CCDC85A: variants seen among roughly 807,000 people sequenced by gnomAD.
CCDC85A encodes the protein coiled-coil domain containing 85A.
CCDC85A carries 38 observed loss-of-function variants against 50.2 expected under a neutral mutation model. That is an observed-to-expected ratio of 0.76 (90% confidence interval 0.58 to 0.99). The LOEUF is 0.99. Among genes scored for constraint, CCDC85A ranks in the 50% least tolerant of loss-of-function variants. The pLI is 0.00. For synonymous variants in CCDC85A, 366 were observed against 301.4 expected (o/e 1.21, Z -2.22); for missense variants, 820 against 742.0 (o/e 1.11, Z -1.22).
At chr2:56,235,738 A>G (rs1668983787) in intron 2 of CCDC85A, among the ~76,000 whole-genome samples, 1 of 152,204 alleles carries the variant, frequency 6.6e-6, no homozygotes. Context: ...GAGATCTTAA[A>G]TAATTAAGAG....
rs1377760174 is a variant in CCDC85A at position 56,384,511 on chromosome 2, ACTT to A, written c.*159_*161del. Reference sequence around the variant, plus strand: ...TCTCCCCTCTAAAACCTGTAGTACAACTTCTCCCCTCAAGCTGATATTCTGTGT... The same window carrying A: ...TCTCCCCTCTAAAACCTGTAGTACAACTCCCCTCAAGCTGATATTCTGTGT... On this transcript the variant is annotated 3_prime_UTR_variant, in exon 6 of 6. Transcript: ENST00000407595. 1.5e-5 allele frequency: 9 copies of A among 593,974 alleles called. No homozygotes were observed. In the African/African-American group the frequency reaches 1.7e-4, roughly 11 times the overall value. 36.8% of individuals were successfully genotyped at this position (593,974 alleles called of 1,614,324 possible).
intron 2 of CCDC85A, among the ~76,000 whole-genome samples, chr2:56,292,343 A>G (rs1349921431): frequency 6.6e-6 from 1 of 152,152 alleles, no homozygotes; most frequent in Admixed American, 6.5e-5. Flanking sequence ...TCGGCCTCCC[A>G]AAGTGCTGCT....
At chr2:56,292,060 T>C (rs577856570) in intron 2 of CCDC85A, among the ~76,000 whole-genome samples, 1 of 152,276 alleles carries the variant, frequency 6.6e-6, no homozygotes, top group Admixed American at 6.5e-5. Flanking sequence ...CACAGGCACA[T>C]TCTGAGATGC....
At chr2:56,236,016 A>C (rs1230075355) in intron 2 of CCDC85A, among the ~76,000 whole-genome samples, 1 of 152,214 alleles carries the variant, frequency 6.6e-6, no homozygotes, top group Non-Finnish European at 1.5e-5. Flanking sequence ...CAAAGTATGA[A>C]TAAAAAAGAG....
chr2:56,262,961 C>T (rs1167909004), intron 2 of CCDC85A, among the ~76,000 whole-genome samples: 1 of 152,038 alleles, frequency 6.6e-6, no homozygotes, highest in Non-Finnish European at 1.5e-5. Context: ...ATAAGAGGTG[C>T]CACAGAGAAC....
At chr2:56,228,489 C>G (rs540811499) in intron 2 of CCDC85A, among the ~76,000 whole-genome samples, 1 of 152,116 alleles carries the variant, frequency 6.6e-6, no homozygotes, top group Admixed American at 6.5e-5. Flanking sequence ...TAAAAGTCTA[C>G]ACGTTGTCTT....
intron 2 of CCDC85A, among the ~76,000 whole-genome samples, chr2:56,233,875 GT>G (rs986650165): frequency 6.6e-6 from 1 of 152,084 alleles, no homozygotes; most frequent in African/African-American, 2.4e-5. Context: ...GTTGAGTCCT[GT>G]TTTGCAGTCT....
intron 2 of CCDC85A, among the ~76,000 whole-genome samples, chr2:56,235,793 A>G (rs996981341): frequency 5.3e-5 from 8 of 152,312 alleles, no homozygotes; most frequent in Non-Finnish European, 7.3e-5. Context: ...GTGGGTGGAG[A>G]GTTAATAAAA....
intron 3 of CCDC85A, among the ~76,000 whole-genome samples, chr2:56,344,561 T>C (rs1329774819): frequency 6.6e-6 from 1 of 152,226 alleles, no homozygotes; most frequent in African/African-American, 2.4e-5. Flanking sequence ...AAACTGTACA[T>C]GTGTTAAAAT....
At chr2:56,319,525 G>T (rs144746283) in intron 2 of CCDC85A, among the ~76,000 whole-genome samples, 3 of 152,138 alleles carry the variant, frequency 2.0e-5, no homozygotes, top group African/African-American at 7.2e-5. Flanking sequence ...TAAATGTTTC[G>T]CACTCTTTTT....
chr2:56,286,998 C>G (rs1671475090), intron 2 of CCDC85A, among the ~76,000 whole-genome samples: 2 of 152,150 alleles, frequency 1.3e-5, no homozygotes, highest in Non-Finnish European at 2.9e-5. Context: ...GTGTTTTCTC[C>G]AAGGGGTGCC....
At chr2:56,338,666 A>G (rs1243913697) in intron 2 of CCDC85A, among the ~76,000 whole-genome samples, 2 of 152,190 alleles carry the variant, frequency 1.3e-5, no homozygotes, top group African/African-American at 2.4e-5. Context: ...GTTATGCACT[A>G]CTAGTCAGGC....
chr2:56,266,303 T>G (rs78285535), intron 2 of CCDC85A, among the ~76,000 whole-genome samples: 1,939 of 152,274 alleles, frequency 0.013, 42 homozygotes, highest in African/African-American at 0.041. Flanking sequence ...GGTGTGCTGG[T>G]ATGCCCCTAT....
chr2:56,263,664 A>G (rs376560501), intron 2 of CCDC85A, among the ~76,000 whole-genome samples: 15 of 152,218 alleles, frequency 9.9e-5, no homozygotes, highest in Admixed American at 9.2e-4. Flanking sequence ...GATGAGTGGG[A>G]TGACGTAGAC....
At chr2:56,305,341 A>T (rs1239544562) in intron 2 of CCDC85A, among the ~76,000 whole-genome samples, 2 of 152,220 alleles carry the variant, frequency 1.3e-5, no homozygotes, top group African/African-American at 4.8e-5. Context: ...ATTATTTATT[A>T]TCCCCATTTT....
intron 2 of CCDC85A, among the ~76,000 whole-genome samples, chr2:56,204,172 C>A (rs988802694): frequency 6.6e-6 from 1 of 152,154 alleles, no homozygotes; most frequent in Non-Finnish European, 1.5e-5. Flanking sequence ...GTAAAATAAT[C>A]ATCTGTTAAC....
Position 56,192,773 on chromosome 2 carries a change from C to T in CCDC85A, c.573C>T (p.Ala191=), listed in dbSNP as rs1434679076. The T allele has an allele frequency of 6.2e-7, 1 of 1,613,074 alleles. No individual in the cohort carries two copies. The highest frequency in any genetic ancestry group is 2.2e-5 in the East Asian group (1 of 44,862). ...AGSRCSIDSQ[A]SLCQLTASTA... ...GCCGCTGCTCCATCGACAGCCAGGC[C>T]AGCCTGTGCCAACTCACAGCCTCCA... Residue 191 remains alanine, a synonymous_variant, in exon 2 of 6, where the codon GCC becomes GCT. Transcript: ENST00000407595. The surrounding 1 kb of genome is among the most constrained non-coding windows in gnomAD (Gnocchi z 4.7).
Position 56,343,076 on chromosome 2 carries a change from C to G in CCDC85A, c.1317+121C>G. Reference sequence around the variant, plus strand: ...ATGATAGAAATCATTTTGTAAATAGCCATTCATCAATGTAGAGTGTGATTA... The same window carrying G: ...ATGATAGAAATCATTTTGTAAATAGGCATTCATCAATGTAGAGTGTGATTA... On this transcript the variant is annotated intron_variant, in intron 3 of 5. Coordinates refer to ENST00000407595, the MANE Select transcript of CCDC85A (RefSeq NM_001080433.2). 4.6e-6 allele frequency: 3 copies of G among 659,180 alleles called. No individual in the cohort carries two copies. In the Admixed American group the frequency reaches 7.4e-5, roughly 16 times the overall value. 40.8% of individuals were successfully genotyped at this position (659,180 alleles called of 1,614,324 possible). A position where few individuals can be genotyped will look rare whatever the true frequency, so the allele number is the denominator to read the frequency against.
At chr2:56,272,389 A>G (rs897536135) in intron 2 of CCDC85A, among the ~76,000 whole-genome samples, 2 of 152,222 alleles carry the variant, frequency 1.3e-5, no homozygotes, top group Non-Finnish European at 2.9e-5. Flanking sequence ...TGTGTTTTAC[A>G]GAAACAGCAG....
Sources: allele counts gnomAD v4.1 joint callset (sites outside exome capture counted in the v4.1 genomes callset), GRCh38; gene constraint gnomAD v4.1.1; non-coding constraint Gnocchi (gnomAD v3.1); transcripts MANE v1.5; gene names NCBI Gene and HGNC (gene_info 2026-07-23, HGNC 2026-07-21).